Variants in NKAIN3 observed in about 807,000 individuals in gnomAD.
NKAIN3 encodes sodium/potassium transporting ATPase interacting 3.
A neutral mutation model predicts 30.2 loss-of-function variants in NKAIN3; 25 were observed. The ratio of observed to expected loss-of-function variants is 0.83; its 90% CI spans 0.60 to 1.16. The LOEUF (loss-of-function observed/expected upper bound fraction) is 1.16, where lower values mean the gene tolerates loss of function less well. Among genes scored for constraint, NKAIN3 ranks in the 50% most tolerant of loss-of-function variants. The pLI is 0.00. For synonymous variants in NKAIN3, 91 were observed against 89.6 expected (o/e 1.02, Z -0.09); for missense variants, 225 against 254.1 (o/e 0.89, Z 0.78).
At chr8:62,280,816 G>A (rs1406390486) in intron 1 of NKAIN3, among the ~76,000 whole-genome samples, 1 of 152,106 alleles carries the variant, frequency 6.6e-6, no homozygotes, top group African/African-American at 2.4e-5. Context: ...TGTTCATCAG[G>A]GATATTGGTC....
intron 5 of NKAIN3, among the ~76,000 whole-genome samples, chr8:62,944,300 A>C: frequency 6.6e-6 from 1 of 151,952 alleles, no homozygotes; most frequent in Non-Finnish European, 1.5e-5. Flanking sequence ...TAATTACTGT[A>C]ATTTACTTGA....
At chr8:62,445,973 T>C (rs1398218553) in intron 1 of NKAIN3, among the ~76,000 whole-genome samples, 2 of 152,138 alleles carry the variant, frequency 1.3e-5, no homozygotes, top group African/African-American at 4.8e-5. Context: ...GTAAAGAAAA[T>C]GCCATGGTAG....
exon 6 of NKAIN3, chr8:62,999,375 A>G (rs922658032): frequency 4.6e-5 from 7 of 152,318 alleles, no homozygotes; most frequent in Admixed American, 3.9e-4. Context: ...CTTTTAAGCA[A>G]TCAGCTCTCA....
rs59448760 is a variant in NKAIN3 at position 62,790,565 on chromosome 8, G to GTC, written c.471+43437_471+43438insCT. 7.4e-4 allele frequency among the ~76,000 whole-genome samples: 90 copies of GTC among 122,040 alleles called. 1 individual carries two copies. The highest frequency in any genetic ancestry group is 1.7e-3 in the African/African-American group (60 of 35,948). 80.1% of individuals were successfully genotyped at this position (122,040 alleles called of 152,430 possible). On this transcript the variant is annotated intron_variant, in intron 4 of 6. Coordinates refer to ENST00000623646, the MANE Select transcript of NKAIN3 (RefSeq NM_001304533.3). ...CTCTTTTCCTTGTGTGTGTGTGTGT[G>GTC]TGTCTGTCTGTCTGTCTGTGTGTGT... is the stretch of plus-strand genomic sequence containing the variant.
chr8:62,448,950 A>C (rs1386333311), intron 1 of NKAIN3, among the ~76,000 whole-genome samples: 4 of 151,972 alleles, frequency 2.6e-5, no homozygotes. Context: ...ATGTCTATTG[A>C]AGGAAAAAAT....
At chr8:62,528,938 A>T (rs1421431101) in intron 1 of NKAIN3, among the ~76,000 whole-genome samples, 1 of 152,186 alleles carries the variant, frequency 6.6e-6, no homozygotes, top group Non-Finnish European at 1.5e-5. Flanking sequence ...TACATAAGAA[A>T]AATGAGGTAT....
intron 4 of NKAIN3, among the ~76,000 whole-genome samples, chr8:62,779,705 A>G (rs1563557898): frequency 6.6e-6 from 1 of 152,218 alleles, no homozygotes; most frequent in Non-Finnish European, 1.5e-5. Flanking sequence ...GATGGACAAT[A>G]TGTTAGAACA....
intron 1 of NKAIN3, among the ~76,000 whole-genome samples, chr8:62,526,025 C>T (rs982180128): frequency 3.3e-5 from 5 of 152,086 alleles, no homozygotes; most frequent in Admixed American, 1.3e-4. Context: ...TTTATGGGAG[C>T]GGATCCCATC....
intron 4 of NKAIN3, among the ~76,000 whole-genome samples, chr8:62,821,767 A>G (rs1818854205): frequency 6.6e-6 from 1 of 152,072 alleles, no homozygotes; most frequent in African/African-American, 2.4e-5. Flanking sequence ...CTTTTGGAGG[A>G]CACGACAGGT....
intron 4 of NKAIN3, among the ~76,000 whole-genome samples, chr8:62,783,605 C>CTTTTTTTT (rs386412917): frequency 8.2e-6 from 1 of 121,460 alleles, no homozygotes; most frequent in African/African-American, 3.2e-5. Flanking sequence ...GCAGAATACA[C>CTTTTTTTT]TTTTTTTTTT....
intron 4 of NKAIN3, among the ~76,000 whole-genome samples, chr8:62,864,930 G>A (rs556355334): frequency 3.9e-5 from 6 of 152,222 alleles, no homozygotes; most frequent in South Asian, 4.1e-4. Context: ...TCTGGAGCGC[G>A]GCGTGTATGG....
intron 4 of NKAIN3, among the ~76,000 whole-genome samples, chr8:62,836,751 T>C (rs1005155120): frequency 1.3e-4 from 20 of 152,120 alleles, no homozygotes; most frequent in Admixed American, 4.6e-4. Context: ...GCTCTCAATA[T>C]CTTCTTGAAG....
At chr8:62,799,649 G>A (rs886876273) in intron 4 of NKAIN3, among the ~76,000 whole-genome samples, 1 of 152,134 alleles carries the variant, frequency 6.6e-6, no homozygotes, top group Non-Finnish European at 1.5e-5. Context: ...ATTCCTTAAA[G>A]AACTAAAAGT....
chr8:62,856,437 A>G, intron 4 of NKAIN3: 1 of 789,522 alleles, frequency 1.3e-6, no homozygotes, highest in Non-Finnish European at 2.3e-6. Context: ...TGCTGGTGAT[A>G]TCTCTATAGA....
At chr8:62,593,705 A>G (rs1810729936) in intron 3 of NKAIN3, among the ~76,000 whole-genome samples, 1 of 152,124 alleles carries the variant, frequency 6.6e-6, no homozygotes, top group South Asian at 2.1e-4. Flanking sequence ...CAAAAAAATC[A>G]AAACAGAAAC....
At chr8:62,668,499 T>C (rs1192926027) in intron 3 of NKAIN3, among the ~76,000 whole-genome samples, 8 of 152,226 alleles carry the variant, frequency 5.3e-5, no homozygotes, top group African/African-American at 1.9e-4. Context: ...GCCTTCTCAC[T>C]TTCTGCCCAG....
At chr8:62,265,953 A>G (rs1457233205) in intron 1 of NKAIN3, among the ~76,000 whole-genome samples, 5 of 152,032 alleles carry the variant, frequency 3.3e-5, no homozygotes, top group Non-Finnish European at 7.4e-5. Flanking sequence ...CTGGGGACCT[A>G]TTTTTCAGAA....
intron 1 of NKAIN3, among the ~76,000 whole-genome samples, chr8:62,445,341 A>G (rs1275850277): frequency 1.3e-5 from 2 of 150,528 alleles, no homozygotes; most frequent in Non-Finnish European, 3.0e-5. Flanking sequence ...AGAAATATCT[A>G]TTCAGATCTT....
At chr8:62,300,655 T>C (rs1011078151) in intron 1 of NKAIN3, among the ~76,000 whole-genome samples, 5 of 152,162 alleles carry the variant, frequency 3.3e-5, no homozygotes, top group Admixed American at 6.6e-5. Context: ...TGTTAGAATT[T>C]ATCTTACATT....
Sources: allele counts gnomAD v4.1 joint callset (sites outside exome capture counted in the v4.1 genomes callset), GRCh38; gene constraint gnomAD v4.1.1; transcripts MANE v1.5; gene names NCBI Gene and HGNC (gene_info 2026-07-23, HGNC 2026-07-21).